RASAL2: variants seen among roughly 807,000 people sequenced by gnomAD.
RASAL2 encodes the protein RAS protein activator like 2, also known as ras GTPase-activating protein nGAP.
Under a neutral mutation model 128.9 loss-of-function variants are expected in RASAL2, and 58 were observed. The ratio of observed to expected loss-of-function variants is 0.45; its 90% CI spans 0.36 to 0.56. The LOEUF is 0.56. Ranked by LOEUF, RASAL2 falls within the 20% of genes least tolerant of loss-of-function variation. The pLI, the probability that RASAL2 is intolerant of heterozygous loss-of-function variation, is 0.00. For missense variants in RASAL2, 1,360 were observed against 1,601.6 expected, an observed-to-expected ratio of 0.85 and a Z score of 2.57; for synonymous variants, 561 against 580.8, an observed-to-expected ratio of 0.97 and a Z score of 0.49.
intron 1 of RASAL2, among the ~76,000 whole-genome samples, chr1:178,140,721 G>A (rs1258477176): frequency 1.3e-5 from 2 of 152,244 alleles, no homozygotes; most frequent in East Asian, 3.9e-4. Context: ...GCTGTTAAAG[G>A]ACATCTTGTT....
intron 5 of RASAL2, among the ~76,000 whole-genome samples, chr1:178,428,974 C>A (rs936520169): frequency 1.3e-5 from 2 of 152,112 alleles, no homozygotes; most frequent in African/African-American, 4.8e-5. Context: ...ATAACAAAGT[C>A]TATCTTAGCC....
chr1:178,194,292 T>TA (rs1662587649), intron 1 of RASAL2: 1 of 219,912 alleles, frequency 4.5e-6, no homozygotes, highest in Non-Finnish European at 9.9e-6. Context: ...TGTCATGAAT[T>TA]AAAGTATTTT....
intron 1 of RASAL2, among the ~76,000 whole-genome samples, chr1:178,145,136 T>G (rs1660679411): frequency 2.0e-5 from 3 of 152,074 alleles, no homozygotes; most frequent in Admixed American, 2.0e-4. Context: ...CAGAATGAGT[T>G]TTTTACAAAT....
intron 3 of RASAL2, among the ~76,000 whole-genome samples, chr1:178,355,078 C>G (rs1440676076): frequency 3.9e-5 from 6 of 152,154 alleles, no homozygotes; most frequent in Non-Finnish European, 5.9e-5. Flanking sequence ...GAGCTGTGAT[C>G]ACACCCCTGC....
chr1:178,133,327 C>CT (rs1297415776), intron 1 of RASAL2, among the ~76,000 whole-genome samples: 2 of 152,158 alleles, frequency 1.3e-5, no homozygotes, highest in African/African-American at 4.8e-5. Flanking sequence ...CTGTTATCTG[C>CT]CTTTCCATGA....
intron 3 of RASAL2, among the ~76,000 whole-genome samples, chr1:178,326,468 A>G (rs1669044476): frequency 6.6e-6 from 1 of 152,236 alleles, no homozygotes; most frequent in South Asian, 2.1e-4. Context: ...TTTATTTATA[A>G]TAATGCTCTG....
chr1:178,273,975 A>G (rs372640766), intron 1 of RASAL2, among the ~76,000 whole-genome samples: 1 of 152,298 alleles, frequency 6.6e-6, no homozygotes, highest in East Asian at 1.9e-4. Context: ...AGAGATGCTT[A>G]TATTATCACC....
chr1:178,155,375 T>C (rs1661048479), intron 1 of RASAL2, among the ~76,000 whole-genome samples: 1 of 151,770 alleles, frequency 6.6e-6, no homozygotes, highest in African/African-American at 2.4e-5. Flanking sequence ...ATAAATTTGC[T>C]GTTTATTTTA....
intron 4 of RASAL2, among the ~76,000 whole-genome samples, chr1:178,391,908 C>T (rs557235903): frequency 1.8e-4 from 27 of 152,276 alleles, no homozygotes; most frequent in Admixed American, 3.3e-4. Flanking sequence ...GTTTACCACT[C>T]ATCAATTGGA....
intron 1 of RASAL2, among the ~76,000 whole-genome samples, chr1:178,189,397 A>G (rs1040068257): frequency 1.3e-5 from 2 of 152,196 alleles, no homozygotes; most frequent in Non-Finnish European, 2.9e-5. Context: ...TACAGGAGAA[A>G]GAAAGACCAA....
rs1444178774 is a variant in RASAL2, at chr1:178,475,729, C to T, written c.*2490C>T. On this transcript the variant is annotated 3_prime_UTR_variant, in exon 18 of 18. Coordinates refer to ENST00000367649, the MANE Select transcript of RASAL2 (RefSeq NM_170692.4). ...TTATGGGAGCTCCTTAGAGGGCTGT[C>T]TTCACTGAAAGATTTAATGCCCAAA... 6.6e-6 allele frequency: 1 copy of T among 152,108 alleles called. No individual in the cohort carries two copies. Among genetic ancestry groups the T allele is most frequent in the Non-Finnish European group, 1.5e-5 (1 of 68,022 alleles). 9.4% of individuals were successfully genotyped at this position (152,108 alleles called of 1,614,324 possible).
intron 3 of RASAL2, among the ~76,000 whole-genome samples, chr1:178,386,210 G>A (rs1277032858): frequency 6.6e-6 from 1 of 152,164 alleles, no homozygotes; most frequent in Non-Finnish European, 1.5e-5. Flanking sequence ...CAAAGAAAGT[G>A]CGTTGACATA....
chr1:178,182,773 T>C (rs71628268), intron 1 of RASAL2, among the ~76,000 whole-genome samples: 11,358 of 148,516 alleles, frequency 0.076, 495 homozygotes, highest in Middle Eastern at 0.13. Context: ...CATATCCCTT[T>C]GGGAAACAGC....
At position 178,441,585 on chromosome 1, in the gene RASAL2, A is replaced by G; in HGVS notation, c.865A>G (p.Asn289Asp). The G allele has an allele frequency of 6.2e-7, 1 of 1,612,750 alleles. No individual in the cohort carries two copies. The highest frequency in any genetic ancestry group is 8.5e-7 in the Non-Finnish European group (1 of 1,179,170). Residue 289 changes from asparagine to aspartate, a missense_variant, in exon 7 of 18, where the codon AAT (asparagine) becomes GAT (aspartate). By Grantham distance (23) the Asn-to-Asp change is conservative. Transcript: ENST00000367649. ...YLSGSKCFSCNSASERDKWME... is the reference protein window; with the variant it reads ...YLSGSKCFSCDSASERDKWME... ...AAGTGGAAGTAAATGCTTCAGCTGT[A>G]ATTCTGCTTCTGAGAGAGACAAGTG...
intron 5 of RASAL2, among the ~76,000 whole-genome samples, chr1:178,424,828 C>T (rs1178327953): frequency 2.0e-5 from 3 of 152,124 alleles, no homozygotes; most frequent in African/African-American, 7.2e-5. Context: ...AGCAGAAAAA[C>T]ATTTTTAAAA....
intron 1 of RASAL2, among the ~76,000 whole-genome samples, chr1:178,134,758 T>C (rs1369116016): frequency 6.6e-6 from 1 of 152,194 alleles, no homozygotes; most frequent in Non-Finnish European, 1.5e-5. Context: ...TTGAAGAATT[T>C]TAACAATAAA....
At chr1:178,333,307 G>A (rs921383432) in intron 3 of RASAL2, among the ~76,000 whole-genome samples, 6 of 152,218 alleles carry the variant, frequency 3.9e-5, no homozygotes, top group South Asian at 4.1e-4. Flanking sequence ...GATTACAGGC[G>A]TAAGCCACCG....
At chr1:178,125,049 G>A (rs903880032) in intron 1 of RASAL2, among the ~76,000 whole-genome samples, 3 of 152,048 alleles carry the variant, frequency 2.0e-5, no homozygotes, top group African/African-American at 7.2e-5. Context: ...CTTACAAATT[G>A]GCAGAAATAT....
intron 14 of RASAL2, among the ~76,000 whole-genome samples, chr1:178,459,240 T>C (rs1223034632): frequency 2.0e-5 from 3 of 152,158 alleles, no homozygotes; most frequent in Non-Finnish European, 4.4e-5. Flanking sequence ...TAAAAAGCTT[T>C]GCCAAGAAAC....
Sources: gnomAD v4.1 joint callset for allele counts (sites outside exome capture counted in the v4.1 genomes callset) on GRCh38, gnomAD v4.1.1 for gene constraint, MANE v1.5 for transcripts, NCBI Gene and HGNC (gene_info 2026-07-23, HGNC 2026-07-21) for gene names.